The following ABHD18 variants were observed in gnomAD, a reference collection of about 807,000 sequenced individuals.
The protein encoded by ABHD18 is abhydrolase domain containing 18.
A neutral mutation model predicts 65.9 loss-of-function variants in ABHD18; 55 were observed. That is an observed-to-expected ratio of 0.84 (90% CI 0.67 to 1.05). The LOEUF is 1.05. Among genes scored for constraint, ABHD18 ranks in the 50% least tolerant of loss-of-function variants. The pLI, the probability that ABHD18 is intolerant of heterozygous loss-of-function variation, is 0.00. For synonymous variants in ABHD18, 181 were observed against 180.2 expected (o/e 1.00, Z -0.04); for missense variants, 533 against 558.5 (o/e 0.95, Z 0.46).
chr4:128,030,451 T>C (rs529533308), intron 11 of ABHD18, 59 bp from the exon 12 acceptor site: 2 of 1,196,560 alleles, frequency 1.7e-6, no homozygotes, highest in Admixed American at 6.1e-5. Context: ...TACTGCATTG[T>C]GTGGGTTTTT....
chr4:128,031,164 T>C, intron 12 of ABHD18: 6 of 985,046 alleles, frequency 6.1e-6, no homozygotes, highest in Non-Finnish European at 7.2e-6. Flanking sequence ...TTATAAAAAC[T>C]TTTATGCTGG....
At chr4:127,980,172 C>T (rs1158997291) in intron 1 of ABHD18, among the ~76,000 whole-genome samples, 1 of 152,082 alleles carries the variant, frequency 6.6e-6, no homozygotes, top group Non-Finnish European at 1.5e-5. Context: ...GCTTTATCCT[C>T]ATGGATGGAT....
chr4:127,984,046 A>AGG (rs1560837855), intron 2 of ABHD18, among the ~76,000 whole-genome samples: 1 of 151,368 alleles, frequency 6.6e-6, no homozygotes, highest in East Asian at 1.9e-4. Flanking sequence ...CAAGGGGGAA[A>AGG]AAAAAAAAAA....
At chr4:127,991,747 A>C (rs993573230) in intron 4 of ABHD18, among the ~76,000 whole-genome samples, 10 of 152,198 alleles carry the variant, frequency 6.6e-5, no homozygotes, top group African/African-American at 2.2e-4. Context: ...ATAGTGATAC[A>C]TGTATGGGCA....
At chr4:128,005,874 CTA>C (rs1371553429) in intron 4 of ABHD18, among the ~76,000 whole-genome samples, 3 of 152,180 alleles carry the variant, frequency 2.0e-5, no homozygotes, top group Non-Finnish European at 2.9e-5. Context: ...GCTTTATGCC[CTA>C]TGTCTATGTC....
At chr4:128,030,834 C>T (rs1758104629) in intron 12 of ABHD18, 162 bp downstream of exon 12, 13 of 1,369,530 alleles carry the variant, frequency 9.5e-6, no homozygotes, top group African/African-American at 1.5e-5. Flanking sequence ...TTCCCTCTTT[C>T]CTAGAATTTG....
At chr4:127,977,205 G>A (rs1748101637) in intron 1 of ABHD18, among the ~76,000 whole-genome samples, 1 of 152,154 alleles carries the variant, frequency 6.6e-6, no homozygotes, top group Non-Finnish European at 1.5e-5. Context: ...GGGCGTGGTG[G>A]CTCACGCCTG....
intron 4 of ABHD18, among the ~76,000 whole-genome samples, chr4:128,007,455 A>G (rs1271307044): frequency 6.6e-6 from 1 of 152,178 alleles, no homozygotes; most frequent in East Asian, 1.9e-4. Flanking sequence ...TAAGAAAAAA[A>G]CAAAGGCCAG....
intron 4 of ABHD18, chr4:128,001,836 GT>G: frequency 7.7e-7 from 1 of 1,301,114 alleles, no homozygotes; most frequent in East Asian, 3.7e-5. Context: ...GTTGAGTTTT[GT>G]TTTGTTTTGT....
At chr4:127,973,817 CAAAAAAAAA>C (rs57170719) in intron 1 of ABHD18, among the ~76,000 whole-genome samples, 1 of 16,610 alleles carries the variant, frequency 6.0e-5, no homozygotes, top group African/African-American at 1.7e-4. Flanking sequence ...TGATGAACAG[CAAAAAAAAA>C]AAAAAAAAAA....
Position 128,036,513 on chromosome 4 carries a change from C to T in ABHD18, c.*700C>T, listed in dbSNP as rs531897563. On this transcript the variant is annotated 3_prime_UTR_variant, in exon 13 of 13. Transcript: ENST00000645843. ...TGGGATGCTGAAGCGGGCAGATTAC[C>T]TGAGGTTGGGAGTTCAAGACCAGCC... 32 of 151,548 alleles carry T rather than the reference C, an allele frequency of 2.1e-4. No homozygotes were observed. The highest frequency in any genetic ancestry group is 6.5e-4 in the African/African-American group (27 of 41,294). The allele number at this position is 151,548 out of a possible 1,614,324, so 9.4% of individuals were successfully genotyped here.
intron 7 of ABHD18, among the ~76,000 whole-genome samples, 165 bp from the exon 8 acceptor site, chr4:128,017,198 G>A (rs950819141): frequency 7.9e-5 from 12 of 152,162 alleles, no homozygotes; most frequent in African/African-American, 2.7e-4. Context: ...GATTACAGGC[G>A]TAAGCCATCA....
chr4:127,999,753 TA>T (rs767136061), intron 4 of ABHD18, among the ~76,000 whole-genome samples: 23 of 152,232 alleles, frequency 1.5e-4, no homozygotes, highest in Non-Finnish European at 3.1e-4. Context: ...AACCTGTTGA[TA>T]CTTTGTTTTT....
intron 4 of ABHD18, chr4:128,001,828 T>A: frequency 7.0e-7 from 1 of 1,436,996 alleles, no homozygotes; most frequent in Non-Finnish European, 9.1e-7. Context: ...GGTTAGATGT[T>A]GAGTTTTGTT....
rs557409470 is a variant in ABHD18, at chr4:128,025,796, G to A, written c.802-2679G>A. Reference sequence around the variant, plus strand: ...CTTTAGTTTTTATTTTTTGTCAACTGGCACTGGAAAATGGCGTAGTTTTAA... The same window carrying A: ...CTTTAGTTTTTATTTTTTGTCAACTAGCACTGGAAAATGGCGTAGTTTTAA... On this transcript the variant is annotated intron_variant, in intron 10 of 12. Transcript: ENST00000645843. Among the ~76,000 whole-genome samples, 17 of 152,266 alleles carry A rather than the reference G, an allele frequency of 1.1e-4. No homozygotes were observed. The South Asian group carries it at 3.5e-3, about 32-fold the overall frequency.
rs569796764 is a variant in ABHD18, at chr4:127,985,672, A to C, written c.177+1249A>C. Among the ~76,000 whole-genome samples the C allele has an allele frequency of 2.3e-3, 345 of 152,188 alleles. 1 individual carries two copies. Among genetic ancestry groups the C allele is most frequent in the African/African-American group, 8.0e-3 (334 of 41,532 alleles). On this transcript the variant is annotated intron_variant, in intron 3 of 12. Coordinates refer to ENST00000645843, the MANE Select transcript of ABHD18 (RefSeq NM_001358451.3). ...CACCTAATTCCATTTCCCTCCCAAG[A>C]GTGAATTGCTGTTAAGATTTTGGAA...
chr4:128,026,618 A>G (rs1409537283), intron 10 of ABHD18, among the ~76,000 whole-genome samples: 1 of 152,074 alleles, frequency 6.6e-6, no homozygotes, highest in Non-Finnish European at 1.5e-5. Context: ...TTGCAAATAT[A>G]TTTTCCCAGG....
At chr4:128,008,659 G>A (rs1754050099) in intron 4 of ABHD18, among the ~76,000 whole-genome samples, 1 of 152,064 alleles carries the variant, frequency 6.6e-6, no homozygotes, top group Admixed American at 6.6e-5. Flanking sequence ...ATTAAGTTAT[G>A]ATATTGAACA....
chr4:128,030,734 T>G, intron 12 of ABHD18, 62 bp downstream of exon 12: 1 of 1,516,302 alleles, frequency 6.6e-7, no homozygotes, highest in Non-Finnish European at 8.8e-7. Context: ...GATTTTTTGC[T>G]TCAACAAATG....
Sources: allele counts gnomAD v4.1 joint callset (sites outside exome capture counted in the v4.1 genomes callset), GRCh38; gene constraint gnomAD v4.1.1; transcripts MANE v1.5; gene names NCBI Gene and HGNC (gene_info 2026-07-23, HGNC 2026-07-21).